The following MROH1 variants were observed in gnomAD, a reference collection of about 807,000 sequenced individuals.
MROH1 encodes maestro heat-like repeat-containing protein family member 1.
In MROH1, 117 loss-of-function variants were observed where a neutral mutation model predicts 116.5. The ratio of observed to expected loss-of-function variants is 1.00; its 90% CI spans 0.86 to 1.17. The LOEUF (loss-of-function observed/expected upper bound fraction) is 1.17. Among genes scored for constraint, MROH1 ranks in the 50% most tolerant of loss-of-function variants. The pLI, the probability that MROH1 is intolerant of heterozygous loss-of-function variation, is 0.00. For synonymous variants in MROH1, 921 were observed against 583.9 expected (o/e 1.58, Z -8.32); for missense variants, 1,873 against 1,338.5 (o/e 1.40, Z -6.23).
At position 144,239,359 on chromosome 8, in the gene MROH1, T is replaced by C. The variant is rs1294731726; in HGVS notation, c.1628T>C (p.Leu543Pro). Residue 543 changes from leucine to proline, a missense_variant, in exon 17 of 44, where the codon CTG becomes CCG. Physicochemically the swap from Leu to Pro is moderately conservative, Grantham distance 98. Transcript: ENST00000326134. ...TCTCCCTATGCTGTAACCGGAAGAC[T>C]GTTGGTGAGCCTCGCCCTTTCACAG... is the stretch of plus-strand genomic sequence containing the variant. ...LPSPYAVTGR[L>P]LVVSSSPYLG... The C allele has an allele frequency of 2.6e-6, 2 of 780,350 alleles. No homozygotes were observed. Among genetic ancestry groups the C allele is most frequent in the Non-Finnish European group, 4.8e-6 (2 of 417,814 alleles). The allele number at this position is 780,350 out of a possible 1,614,324, so 48.3% of individuals were successfully genotyped here.
intron 12 of MROH1, among the ~76,000 whole-genome samples, chr8:144,202,789 C>CG (rs2131879570): frequency 5.5e-5 from 1 of 18,200 alleles, no homozygotes; most frequent in African/African-American, 2.4e-4. Flanking sequence ...TGTGGAGGGG[C>CG]TGGGAGGGAA....
chr8:144,210,758 A>G (rs533150611), intron 12 of MROH1, among the ~76,000 whole-genome samples: 33 of 152,192 alleles, frequency 2.2e-4, no homozygotes, highest in Non-Finnish European at 4.3e-4. Context: ...GTATAAATAT[A>G]TTTTTACATA....
intron 4 of MROH1, among the ~76,000 whole-genome samples, chr8:144,172,977 C>CT (rs1228390482): frequency 1.3e-5 from 2 of 151,894 alleles, no homozygotes; most frequent in South Asian, 4.2e-4. Flanking sequence ...TAGAGTTTAG[C>CT]TTTTTTGTCA....
At chr8:144,238,376 C>A (rs1348799838) in intron 14 of MROH1, among the ~76,000 whole-genome samples, 1 of 152,176 alleles carries the variant, frequency 6.6e-6, no homozygotes, top group Non-Finnish European at 1.5e-5. Context: ...GGACAGCAGA[C>A]ATCCAGCCCA....
intron 1 of MROH1, among the ~76,000 whole-genome samples, chr8:144,151,852 G>A (rs947295209): frequency 2.4e-4 from 37 of 152,336 alleles, no homozygotes; most frequent in Non-Finnish European, 4.1e-4. Context: ...CACGCCCTGC[G>A]ACGGGGACAA....
intron 35 of MROH1, among the ~76,000 whole-genome samples, chr8:144,256,378 G>A (rs933061881): frequency 1.5e-5 from 2 of 133,534 alleles, no homozygotes; most frequent in Non-Finnish European, 3.4e-5. Context: ...CACACCAGGG[G>A]GACAGCCTCA....
Position 144,155,309 on chromosome 8 carries a change from T to C in MROH1, c.-176-5661T>C, listed in dbSNP as rs1382294616. Among the ~76,000 whole-genome samples, 3 of 152,338 alleles carry C rather than the reference T, an allele frequency of 2.0e-5. No individual in the cohort carries two copies. In the East Asian group the frequency reaches 5.8e-4, roughly 29 times the overall value. On this transcript the variant is annotated intron_variant, in intron 1 of 43. Coordinates refer to ENST00000326134, the MANE Select transcript of MROH1 (RefSeq NM_032450.3). ...TTTCTTGACTGCAGATGGCAGCATG[T>C]AGGGTCTGTAAGTGTGCATATATAT... is the stretch of plus-strand genomic sequence containing the variant.
At chr8:144,179,014 T>G (rs1235430928) in intron 4 of MROH1, among the ~76,000 whole-genome samples, 2 of 151,730 alleles carry the variant, frequency 1.3e-5, no homozygotes, top group African/African-American at 4.8e-5. Flanking sequence ...GCGTTTTTCC[T>G]TAGCAGCCTT....
At chr8:144,235,339 A>G (rs1346244051) in intron 14 of MROH1, among the ~76,000 whole-genome samples, 3 of 151,962 alleles carry the variant, frequency 2.0e-5, no homozygotes, top group Non-Finnish European at 2.9e-5. Flanking sequence ...TTCAGTCTGG[A>G]TGCGTTTTAT....
At chr8:144,259,634 GGGACCCCAGGT>G (rs1844605262) in intron 37 of MROH1, among the ~76,000 whole-genome samples, 2 of 152,246 alleles carry the variant, frequency 1.3e-5, no homozygotes, top group Non-Finnish European at 2.9e-5. Context: ...GCTGGCCCCT[GGGACCCCAGGT>G]GCCCTTGGTG....
chr8:144,255,409 A>T, intron 34 of MROH1, 100 bp from the exon 35 acceptor site: 1 of 701,318 alleles, frequency 1.4e-6, no homozygotes, highest in South Asian at 1.5e-5. Flanking sequence ...ACCTCCGAGC[A>T]CATGATGCAG....
chr8:144,254,491 A>C (rs1216104484), intron 33 of MROH1: 1 of 289,468 alleles, frequency 3.5e-6, no homozygotes, highest in Non-Finnish European at 6.5e-6. Flanking sequence ...GGCCTGGGCC[A>C]GATGCTGCTT....
chr8:144,173,744 C>T (rs1385962767), intron 4 of MROH1, among the ~76,000 whole-genome samples: 1 of 152,160 alleles, frequency 6.6e-6, no homozygotes, highest in Non-Finnish European at 1.5e-5. Flanking sequence ...CTTCTTGGTC[C>T]CTTTGCAAGC....
rs561557699 is a variant in MROH1 at position 144,166,631 on chromosome 8, G to A, written c.23-1664G>A. On this transcript the variant is annotated intron_variant, in intron 3 of 43. Coordinates refer to ENST00000326134, the MANE Select transcript of MROH1 (RefSeq NM_032450.3). The stretch of plus-strand genomic sequence containing the variant: ...CCATGTCTTGAGCTTGAGGGACACC[G>A]AGAGGCCCGGAATGGCACTGGGGTG... Among the ~76,000 whole-genome samples the A allele has an allele frequency of 2.6e-5, 4 of 152,244 alleles. No homozygotes were observed. In the South Asian group the frequency reaches 6.2e-4, roughly 24 times the overall value.
Position 144,239,188 on chromosome 8 carries a change from C to A in MROH1, c.1591+9C>A. 1.3e-6 allele frequency: 1 copy of A among 757,696 alleles called. No homozygotes were observed. The highest frequency in any genetic ancestry group is 1.4e-5 in the South Asian group (1 of 73,500). The allele number at this position is 757,696 out of a possible 1,614,324, so 46.9% of individuals were successfully genotyped here. A position where few individuals can be genotyped will look rare whatever the true frequency, so the allele number is the denominator to read the frequency against. On this transcript the variant is annotated intron_variant, in intron 16 of 43. Transcript: ENST00000326134. ...CCAGTACGACGCCCATGGTGCGTGCCGCGCCGTACCCCACCTCCCCACTCC... is the reference window on the plus strand; with the variant it reads ...CCAGTACGACGCCCATGGTGCGTGCAGCGCCGTACCCCACCTCCCCACTCC...
chr8:144,255,433 C>T (rs1413912181), intron 34 of MROH1, 76 bp from the exon 35 acceptor site: 3 of 736,276 alleles, frequency 4.1e-6, no homozygotes, highest in Admixed American at 1.9e-5. Context: ...AAGGGGGATG[C>T]AGTCTCATTG....
At chr8:144,221,504 C>G (rs1445929792) in intron 13 of MROH1, among the ~76,000 whole-genome samples, 2 of 151,900 alleles carry the variant, frequency 1.3e-5, no homozygotes, top group Non-Finnish European at 2.9e-5. Flanking sequence ...GAACAGAGAC[C>G]CTTAGCCTTC....
chr8:144,155,317 G>GA (rs1421897306), intron 1 of MROH1, among the ~76,000 whole-genome samples: 6 of 152,184 alleles, frequency 3.9e-5, no homozygotes, highest in Non-Finnish European at 8.8e-5. Flanking sequence ...TGTAGGGTCT[G>GA]TAAGTGTGCA....
At chr8:144,214,240 C>T (rs1398043285) in intron 12 of MROH1, 1 of 152,288 alleles carries the variant, frequency 6.6e-6, no homozygotes, top group Non-Finnish European at 1.5e-5. Context: ...TTCAGGGTCA[C>T]TTTTCAGAAT....
Sources: allele counts gnomAD v4.1 joint callset (sites outside exome capture counted in the v4.1 genomes callset), GRCh38; gene constraint gnomAD v4.1.1; transcripts MANE v1.5; gene names NCBI Gene and HGNC (gene_info 2026-07-23, HGNC 2026-07-21).